The following KCTD10 variants were observed in gnomAD, a reference collection of about 807,000 sequenced individuals.
The protein encoded by KCTD10 is potassium channel tetramerization domain containing 10, also known as BTB/POZ domain-containing adapter for CUL3-mediated RhoA degradation protein 3.
In KCTD10, 13 loss-of-function variants were observed where a neutral mutation model predicts 34.6. The observed-to-expected ratio is 0.38, with a 90% confidence interval of 0.24 to 0.60. The LOEUF (loss-of-function observed/expected upper bound fraction) is 0.60. Ranked by LOEUF, KCTD10 falls within the 20% of genes least tolerant of loss-of-function variation. KCTD10 has a pLI of 0.66. For missense variants in KCTD10, 256 were observed against 420.3 expected (o/e 0.61, Z 3.42); for synonymous variants, 156 against 168.8 (o/e 0.92, Z 0.59).
chr12:109,477,119 T>A, intron 1 of KCTD10, 141 bp downstream of exon 1: 15 of 236,712 alleles, frequency 6.3e-5, no homozygotes, highest in Non-Finnish European at 7.2e-5. Context: ...GCCTTTCCCC[T>A]AACCAATCCC....
At position 109,451,527 on chromosome 12, in the gene KCTD10, C is replaced by T. The variant is rs142625906; in HGVS notation, c.*68G>A. Reference sequence around the variant, plus strand: ...AGCAGAAGGGGCCCGGCAGCCTGCACAGGATCTGGGTGTAGCACGGCAGGG... The same window carrying T: ...AGCAGAAGGGGCCCGGCAGCCTGCATAGGATCTGGGTGTAGCACGGCAGGG... On this transcript the variant is annotated 3_prime_UTR_variant, in exon 7 of 7. Coordinates refer to ENST00000228495, the MANE Select transcript of KCTD10 (RefSeq NM_031954.5). This position sits in a 1 kb window ranked among gnomAD's most constrained non-coding sequence, Gnocchi z 5.0. The T allele has an allele frequency of 2.3e-4, 330 of 1,453,650 alleles. No homozygotes were observed. The African/African-American group carries it at 4.1e-3, about 18-fold the overall frequency. The allele number at this position is 1,453,650 out of a possible 1,614,324, so 90.0% of individuals were successfully genotyped here.
rs1873254368 is a variant in KCTD10, at chr12:109,460,391, A to T, written c.387+245T>A. The T allele has an allele frequency of 1.9e-6, 1 of 513,220 alleles. No individual in the cohort carries two copies. Among genetic ancestry groups the T allele is most frequent in the South Asian group, 2.4e-5 (1 of 42,218 alleles). The allele number at this position is 513,220 out of a possible 1,614,324, so 31.8% of individuals were successfully genotyped here. A position where few individuals can be genotyped will look rare whatever the true frequency, so the allele number is the denominator to read the frequency against. ...GTTCTCTGCTGAAGGGTTGAGATGT[A>T]CACATGAGAAGATCCAACAGCATGG... On this transcript the variant is annotated intron_variant, in intron 3 of 6. Coordinates refer to ENST00000228495, the MANE Select transcript of KCTD10 (RefSeq NM_031954.5). This position sits in a 1 kb window ranked among gnomAD's most constrained non-coding sequence, Gnocchi z 4.5.
intron 6 of KCTD10, among the ~76,000 whole-genome samples, chr12:109,453,943 G>C (rs902892171): frequency 6.6e-6 from 1 of 152,234 alleles, no homozygotes; most frequent in African/African-American, 2.4e-5. Context: ...AGCTAGGACA[G>C]ATTTGAAGGC....
chr12:109,462,553 T>C (rs955282163), intron 2 of KCTD10, among the ~76,000 whole-genome samples: 1 of 152,236 alleles, frequency 6.6e-6, no homozygotes, highest in Non-Finnish European at 1.5e-5. Context: ...ATGGAATTAA[T>C]ATCTTATGCA....
intron 2 of KCTD10, among the ~76,000 whole-genome samples, chr12:109,465,859 A>T (rs1873560961): frequency 1.3e-5 from 2 of 152,194 alleles, no homozygotes; most frequent in Non-Finnish European, 2.9e-5. Flanking sequence ...TCACAAAATG[A>T]ATGACTCTTC....
Position 109,462,645 on chromosome 12 carries a change from C to G in KCTD10, c.218-1840G>C, listed in dbSNP as rs546260735. ...GAGGCTGGGGCTGACAGGACAGCATCTGCCCTGCCCCCAAGAGAGGCAGGC... is the reference window on the plus strand; with the variant it reads ...GAGGCTGGGGCTGACAGGACAGCATGTGCCCTGCCCCCAAGAGAGGCAGGC... On this transcript the variant is annotated intron_variant, in intron 2 of 6. Coordinates refer to ENST00000228495, the MANE Select transcript of KCTD10 (RefSeq NM_031954.5). 5.3e-5 allele frequency among the ~76,000 whole-genome samples: 8 copies of G among 152,360 alleles called. No individual in the cohort carries two copies. The East Asian group carries it at 1.5e-3, about 29-fold the overall frequency.
rs531276571 is a variant in KCTD10 at position 109,460,990 on chromosome 12, C to G, written c.218-185G>C. The stretch of plus-strand genomic sequence containing the variant: ...AGGAAGCCCCCACAGCCTCCAGGCC[C>G]TACTGGCTGGACACAACCATAACCC... On this transcript the variant is annotated intron_variant, in intron 2 of 6. Transcript: ENST00000228495. The surrounding 1 kb of genome is among the most constrained non-coding windows in gnomAD (Gnocchi z 4.5). Among the ~76,000 whole-genome samples, 3 of 152,322 alleles carry G rather than the reference C, an allele frequency of 2.0e-5. No homozygotes were observed. Among genetic ancestry groups the G allele is most frequent in the African/African-American group, 7.2e-5 (3 of 41,568 alleles).
At chr12:109,466,780 TACTGCTGGATTC>T (rs2135671721) in intron 2 of KCTD10, among the ~76,000 whole-genome samples, 1 of 152,386 alleles carries the variant, frequency 6.6e-6, no homozygotes, top group African/African-American at 2.4e-5. Flanking sequence ...CAGCAAGCTG[TACTGCTGGATTC>T]ACTGCCTGGC....
At chr12:109,475,887 C>CTG (rs77263283) in intron 1 of KCTD10, among the ~76,000 whole-genome samples, 86,788 of 151,924 alleles carry the variant, frequency 0.57, 25,768 homozygotes, top group African/African-American at 0.73. Context: ...CCAATTGCAA[C>CTG]TTCCATCAAA....
At chr12:109,452,789 G>C (rs1292769212) in intron 6 of KCTD10, among the ~76,000 whole-genome samples, 1 of 151,724 alleles carries the variant, frequency 6.6e-6, no homozygotes, top group Non-Finnish European at 1.5e-5. Context: ...AGTGGCCAGG[G>C]AGGCCAACAG....
At chr12:109,456,981 A>G (rs533232807) in intron 5 of KCTD10, 2 of 155,392 alleles carry the variant, frequency 1.3e-5, no homozygotes, top group South Asian at 2.0e-4. Context: ...CATTACACAC[A>G]ATAGCCAAAA....
intron 2 of KCTD10, among the ~76,000 whole-genome samples, chr12:109,463,743 A>G (rs1873462215): frequency 6.6e-6 from 1 of 152,236 alleles, no homozygotes; most frequent in Admixed American, 6.5e-5. Flanking sequence ...TGGTGCTTCA[A>G]TTAACCTCTG....
intron 1 of KCTD10, among the ~76,000 whole-genome samples, chr12:109,474,322 G>T (rs966317288): frequency 6.6e-6 from 1 of 152,178 alleles, no homozygotes; most frequent in Non-Finnish European, 1.5e-5. Context: ...GAGAGGCAAT[G>T]AATACTTGAG....
At chr12:109,469,250 G>A in intron 2 of KCTD10, 1 of 477,776 alleles carries the variant, frequency 2.1e-6, no homozygotes, top group Non-Finnish European at 3.8e-6. Flanking sequence ...AAGGGTCCAG[G>A]GAAGATACCT....
intron 6 of KCTD10, among the ~76,000 whole-genome samples, chr12:109,453,278 C>T (rs1451084631): frequency 1.3e-5 from 2 of 152,152 alleles, no homozygotes; most frequent in Non-Finnish European, 2.9e-5. Context: ...TGGTCTTGAA[C>T]TACTGGGCTT....
chr12:109,471,445 T>C, intron 1 of KCTD10: 1 of 981,922 alleles, frequency 1.0e-6, no homozygotes, highest in Non-Finnish European at 1.2e-6. Context: ...CAGTTCCTTT[T>C]TCATCAAGAA....
Position 109,456,139 on chromosome 12 carries a change from G to A in KCTD10, c.702C>T (p.Ala234=). Residue 234 remains alanine, a synonymous_variant, in exon 6 of 7, where the codon GCC becomes GCT. Coordinates refer to ENST00000228495, the MANE Select transcript of KCTD10 (RefSeq NM_031954.5). ...TTACCTTGGTCTGTTTCTTCTCAGT[G>A]GCATAGACGATGGAGGTACAACAGA... is the stretch of plus-strand genomic sequence containing the variant. ...AEVCCTSIVY[A]TEKKQTKVEF... The A allele has an allele frequency of 1.2e-6, 2 of 1,614,102 alleles. No individual in the cohort carries two copies. The highest frequency in any genetic ancestry group is 2.2e-5 in the East Asian group (1 of 44,882).
intron 3 of KCTD10, chr12:109,458,357 C>A (rs1023643980): frequency 8.4e-6 from 3 of 356,690 alleles, no homozygotes; most frequent in Non-Finnish European, 1.5e-5. Context: ...AAAAATAAAC[C>A]CTTGACGTGG....
chr12:109,471,488 G>A (rs1344295945), intron 1 of KCTD10: 1 of 917,600 alleles, frequency 1.1e-6, no homozygotes, highest in Non-Finnish European at 1.3e-6. Context: ...CAAAAGCTCA[G>A]GCTTAGCTCA....
Sources: allele counts gnomAD v4.1 joint callset (sites outside exome capture counted in the v4.1 genomes callset), GRCh38; gene constraint gnomAD v4.1.1; non-coding constraint Gnocchi (gnomAD v3.1); transcripts MANE v1.5; gene names NCBI Gene and HGNC (gene_info 2026-07-23, HGNC 2026-07-21).